Variants in TENT5D observed in about 807,000 individuals in gnomAD.
TENT5D encodes the protein terminal nucleotidyltransferase 5D, also known as cancer/testis antigen 112.
For missense variants in TENT5D, 191 were observed against 287.0 expected, an observed-to-expected ratio of 0.67 and a Z score of 2.42; for synonymous variants, 103 against 100.6, an observed-to-expected ratio of 1.02 and a Z score of -0.15.
intron 3 of TENT5D, among the ~76,000 whole-genome samples, chrX:80,344,639 G>A (rs938106537): frequency 1.8e-4 from 20 of 109,985 alleles, no homozygotes; most frequent in Non-Finnish European, 3.4e-4. Context: ...ATTGTCACAA[G>A]GTTATTGAAC....
chrX:80,337,265 A>T (rs1476159051), intron 2 of TENT5D, among the ~76,000 whole-genome samples: 1 of 111,967 alleles, frequency 8.9e-6, no homozygotes, highest in African/African-American at 3.2e-5. Flanking sequence ...GCAAAATAAA[A>T]GCAATATTAC....
At chrX:80,358,263 T>G (rs1002210782) in intron 3 of TENT5D, among the ~76,000 whole-genome samples, 9 of 111,189 alleles carry the variant, frequency 8.1e-5, no homozygotes, top group Admixed American at 9.6e-5. Flanking sequence ...GGGCAAGGAC[T>G]TCATGTCTAA....
At chrX:80,398,817 G>C (rs1931337363) in intron 3 of TENT5D, among the ~76,000 whole-genome samples, 1 of 110,292 alleles carries the variant, frequency 9.1e-6, no homozygotes, top group Admixed American at 9.6e-5. Context: ...GGTTACTACA[G>C]CTTTGTGGTA....
chrX:80,442,430 G>T lies in TENT5D; in HGVS notation c.-18-92G>T, dbSNP rs1932302201. 7.3e-6 allele frequency: 4 copies of T among 547,686 alleles called. No individual in the cohort carries two copies. In the African/African-American group the frequency reaches 9.4e-5, roughly 13 times the overall value. The allele number at this position is 547,686 out of a possible 1,213,427, so 45.1% of individuals were successfully genotyped here. On this transcript the variant is annotated intron_variant, in intron 2 of 2. Transcript: ENST00000308293. ...CCCTAGTATTATCATGGTTTATGTTGAGGGTAAGTCTATTTTTAACTTTTT... is the reference window on the plus strand; with the variant it reads ...CCCTAGTATTATCATGGTTTATGTTTAGGGTAAGTCTATTTTTAACTTTTT...
At chrX:80,419,692 C>T (rs956022162), upstream of TENT5D, among the ~76,000 whole-genome samples, 3 of 112,272 alleles carry the variant, frequency 2.7e-5, no homozygotes, top group Non-Finnish European at 5.6e-5. Context: ...AACAATTATA[C>T]TTATCAACCA....
chrX:80,366,208 A>AGT (rs3087109), intron 3 of TENT5D, among the ~76,000 whole-genome samples: 1,269 of 97,977 alleles, frequency 0.013, 21 homozygotes, highest in East Asian at 0.042. Context: ...GAAGACAGGG[A>AGT]GTGTGTGTGT....
chrX:80,360,552 C>A (rs775399367), intron 3 of TENT5D, among the ~76,000 whole-genome samples: 1 of 111,708 alleles, frequency 9.0e-6, no homozygotes. Flanking sequence ...ACTATGAAAT[C>A]GTTTTTGTTA....
At chrX:80,443,147 T>C (rs763046111) in exon 3 of TENT5D, 6 of 1,211,182 alleles carry the variant, frequency 5.0e-6, no homozygotes, top group Non-Finnish European at 6.7e-6. Flanking sequence ...CCTGTTGTGG[T>C]AGCTGAAAGC....
intron 3 of TENT5D, among the ~76,000 whole-genome samples, chrX:80,354,519 A>AT (rs1286210636): frequency 2.7e-5 from 3 of 111,567 alleles, no homozygotes; most frequent in Non-Finnish European, 5.6e-5. Context: ...TCCTATAGTG[A>AT]TTTTTTCTTT....
chrX:80,436,192 C>G (rs1165819385), intron 1 of TENT5D, among the ~76,000 whole-genome samples: 1 of 110,256 alleles, frequency 9.1e-6, no homozygotes, highest in Non-Finnish European at 1.9e-5. Context: ...TGGGTATCTA[C>G]TAAATAGAAT....
At position 80,346,721 on chromosome X, in the gene TENT5D, T is replaced by TA. The variant is rs1187985556; in HGVS notation, c.-142+4158dup. ...ACATGTGCTGAATGTACAGGTTTGT[T>TA]ATATAGGTATACATGTGCCATGGTG... On this transcript the variant is annotated intron_variant, in intron 3 of 4. Coordinates refer to the TENT5D transcript ENST00000538312. Among the ~76,000 whole-genome samples the TA allele has an allele frequency of 6.3e-5, 7 of 111,320 alleles. 1 individual carries two copies. In the Admixed American group the frequency reaches 6.7e-4, roughly 11 times the overall value.
At chrX:80,407,435 G>C (rs1192218097) in intron 3 of TENT5D, among the ~76,000 whole-genome samples, 45 of 108,876 alleles carry the variant, frequency 4.1e-4, no homozygotes, top group African/African-American at 1.5e-3. Flanking sequence ...AACAAAAAAA[G>C]GCAGGGGTTG....
In TENT5D at chrX:80,426,902, A is replaced by G. The variant is rs1469593538; in HGVS notation, c.-142+6339A>G. Reference sequence around the variant, plus strand: ...TGACCCAGGGAGAGGTAACTGAATCATGGGGGCTGGTCTTTCCTGTGCTAT... The same window carrying G: ...TGACCCAGGGAGAGGTAACTGAATCGTGGGGGCTGGTCTTTCCTGTGCTAT... On this transcript the variant is annotated intron_variant, in intron 1 of 2. Transcript: ENST00000308293. Among the ~76,000 whole-genome samples, 4 of 111,331 alleles carry G rather than the reference A, an allele frequency of 3.6e-5. No homozygotes were observed. In the South Asian group the frequency reaches 1.5e-3, roughly 42 times the overall value.
intron 3 of TENT5D, among the ~76,000 whole-genome samples, chrX:80,370,688 T>C (rs1341485486): frequency 8.9e-6 from 1 of 112,101 alleles, no homozygotes; most frequent in Non-Finnish European, 1.9e-5. Flanking sequence ...AATCTTTGTT[T>C]ATATTTATTT....
intron 3 of TENT5D, among the ~76,000 whole-genome samples, chrX:80,385,555 A>G (rs1215510950): frequency 8.9e-6 from 1 of 112,213 alleles, no homozygotes; most frequent in East Asian, 2.8e-4. Flanking sequence ...TGGCAGCAAA[A>G]GCCAGAATTG....
At chrX:80,443,960 T>C (rs1932339397) in exon 3 of TENT5D, 1 of 292,309 alleles carries the variant, frequency 3.4e-6, no homozygotes, top group Admixed American at 5.6e-5. Flanking sequence ...TTTCAAATGT[T>C]GTGTTCCCCT....
exon 3 of TENT5D, chrX:80,443,958 G>A (rs1476215265): frequency 1.0e-5 from 3 of 293,915 alleles, no homozygotes; most frequent in Non-Finnish European, 1.9e-5. Context: ...ACTTTCAAAT[G>A]TTGTGTTCCC....
chrX:80,343,391 C>CTTTTTTT (rs775221687), intron 3 of TENT5D, among the ~76,000 whole-genome samples: 14 of 83,369 alleles, frequency 1.7e-4, no homozygotes, highest in Non-Finnish European at 2.4e-4. Context: ...CATTTTATTT[C>CTTTTTTT]TTTTTTTTTT....
intron 3 of TENT5D, among the ~76,000 whole-genome samples, chrX:80,388,082 C>T (rs1178059340): frequency 1.8e-5 from 2 of 110,393 alleles, no homozygotes; most frequent in African/African-American, 3.3e-5. Flanking sequence ...GCTCTTCATT[C>T]GGTTTTTGGT....
Sources: allele counts gnomAD v4.1 joint callset (sites outside exome capture counted in the v4.1 genomes callset), GRCh38; gene constraint gnomAD v4.1.1; transcripts MANE v1.5; gene names NCBI Gene and HGNC (gene_info 2026-07-23, HGNC 2026-07-21).